The following GRAMD1B variants were observed in gnomAD, a reference collection of about 807,000 sequenced individuals.
GRAMD1B encodes the protein GRAM domain containing 1B.
In GRAMD1B, 37 loss-of-function variants were observed where a neutral mutation model predicts 99.7. That is an observed-to-expected ratio of 0.37 (90% confidence interval 0.29 to 0.49). The LOEUF (loss-of-function observed/expected upper bound fraction) is 0.49, where lower values mean the gene tolerates loss of function less well. Ranked by LOEUF, GRAMD1B falls within the 20% of genes least tolerant of loss-of-function variation. The probability of loss-of-function intolerance (pLI) is 0.98; values close to 1 mark genes in which losing one functional copy is unlikely to be tolerated. For synonymous variants in GRAMD1B, 427 were observed against 387.6 expected (o/e 1.10, Z -1.19); for missense variants, 888 against 1,009.2 (o/e 0.88, Z 1.63).
intron 1 of GRAMD1B, among the ~76,000 whole-genome samples, chr11:123,414,125 ACCTCCGCC>A (rs1162651258): frequency 1.3e-5 from 2 of 151,554 alleles, no homozygotes; most frequent in African/African-American, 4.9e-5. Flanking sequence ...GCTCACTGCA[ACCTCCGCC>A]TCCCAGGTTC....
At chr11:123,539,793 G>A (rs986735980) in intron 2 of GRAMD1B, among the ~76,000 whole-genome samples, 6 of 152,084 alleles carry the variant, frequency 3.9e-5, no homozygotes, top group East Asian at 1.9e-4. Flanking sequence ...GTCACATACC[G>A]TTTCTATCTC....
chr11:123,371,054 T>C (rs1182868696), intron 1 of GRAMD1B, among the ~76,000 whole-genome samples: 2 of 130,626 alleles, frequency 1.5e-5, no homozygotes, highest in African/African-American at 5.8e-5. Context: ...GGATTGCAGA[T>C]TGAGATCTTG....
At chr11:123,579,430 GT>G (rs1418367076) in intron 3 of GRAMD1B, among the ~76,000 whole-genome samples, 2 of 152,176 alleles carry the variant, frequency 1.3e-5, no homozygotes, top group Non-Finnish European at 2.9e-5. Flanking sequence ...CATCTTGGCT[GT>G]GAGGATTTTA....
chr11:123,477,614 T>C, intron 1 of GRAMD1B, among the ~76,000 whole-genome samples: 1 of 130,572 alleles, frequency 7.7e-6, no homozygotes, highest in East Asian at 2.7e-4. Context: ...TCTCCCTTCC[T>C]TTCCCTCTCT....
intron 2 of GRAMD1B, among the ~76,000 whole-genome samples, chr11:123,486,150 A>T (rs2075392284): frequency 6.6e-6 from 1 of 152,230 alleles, no homozygotes; most frequent in African/African-American, 2.4e-5. Flanking sequence ...AAGAGCCATT[A>T]AGTGGATGCT....
chr11:123,613,906 G>C (rs1016304586), intron 16 of GRAMD1B, among the ~76,000 whole-genome samples: 3 of 152,166 alleles, frequency 2.0e-5, no homozygotes, highest in Non-Finnish European at 2.9e-5. Context: ...ATGCTTTCGT[G>C]TTGCCCTAGT....
At chr11:123,506,708 G>A (rs1227092698) in intron 2 of GRAMD1B, among the ~76,000 whole-genome samples, 2 of 152,248 alleles carry the variant, frequency 1.3e-5, no homozygotes, top group African/African-American at 2.4e-5. Context: ...CAGAGGTAGG[G>A]ATTCAATGGG....
intron 2 of GRAMD1B, among the ~76,000 whole-genome samples, chr11:123,513,570 TTCCTTCCTTTCC>T (rs1428166866): frequency 3.1e-5 from 3 of 95,880 alleles, no homozygotes; most frequent in East Asian, 6.3e-4. Context: ...CCTTCCTTCC[TTCCTTCCTTTCC>T]TTCCTTCCTT....
At chr11:123,550,609 C>T (rs1262041596) in intron 2 of GRAMD1B, among the ~76,000 whole-genome samples, 2 of 152,182 alleles carry the variant, frequency 1.3e-5, no homozygotes, top group African/African-American at 4.8e-5. Context: ...AAGCCCAGGG[C>T]CAGTGGCAGG....
chr11:123,601,795 C>G (rs1264762488), intron 8 of GRAMD1B, among the ~76,000 whole-genome samples: 1 of 152,208 alleles, frequency 6.6e-6, no homozygotes, highest in Non-Finnish European at 1.5e-5. Flanking sequence ...CAGTTCACAG[C>G]TGCTGTCATT....
At chr11:123,391,551 G>A (rs1355157655) in intron 1 of GRAMD1B, among the ~76,000 whole-genome samples, 6 of 152,120 alleles carry the variant, frequency 3.9e-5, no homozygotes, top group Admixed American at 3.3e-4. Flanking sequence ...CCGCCTCCTG[G>A]GTTCAAGCAA....
chr11:123,480,064 T>A (rs915899425), intron 1 of GRAMD1B, among the ~76,000 whole-genome samples: 4 of 152,192 alleles, frequency 2.6e-5, no homozygotes, highest in African/African-American at 7.2e-5. Context: ...GTTAGTGTCA[T>A]GAAGTGTCTG....
intron 1 of GRAMD1B, among the ~76,000 whole-genome samples, chr11:123,446,753 T>C (rs917817524): frequency 1.2e-4 from 18 of 152,202 alleles, no homozygotes; most frequent in African/African-American, 4.3e-4. Flanking sequence ...AACCTGGCAC[T>C]GTTGCTGTGT....
intron 2 of GRAMD1B, chr11:123,491,803 C>T (rs1938585664): frequency 2.5e-6 from 1 of 398,874 alleles, no homozygotes. Context: ...AGCCCCCAGC[C>T]CTTGAGGTCC....
intron 1 of GRAMD1B, among the ~76,000 whole-genome samples, chr11:123,392,770 T>C (rs1242035443): frequency 1.3e-5 from 2 of 152,194 alleles, no homozygotes; most frequent in African/African-American, 2.4e-5. Flanking sequence ...TACTGACTAA[T>C]AGTTAATATT....
chr11:123,377,044 C>A (rs1159865409), intron 1 of GRAMD1B, among the ~76,000 whole-genome samples: 1 of 152,156 alleles, frequency 6.6e-6, no homozygotes, highest in East Asian at 1.9e-4. Context: ...TTTTCGCCTG[C>A]CTGAATAATC....
chr11:123,427,487 G>A (rs1326200685), upstream of GRAMD1B, among the ~76,000 whole-genome samples: 1 of 152,190 alleles, frequency 6.6e-6, no homozygotes, highest in Non-Finnish European at 1.5e-5. Context: ...ATTAAAGGAA[G>A]GAGAAACTTG....
chr11:123,550,837 G>A (rs948060673), intron 2 of GRAMD1B, among the ~76,000 whole-genome samples: 11 of 152,116 alleles, frequency 7.2e-5, no homozygotes, highest in South Asian at 2.1e-4. Context: ...CCTAGGGGCC[G>A]GGACTCTCTA....
chr11:123,593,522 C>A (rs893155859), intron 4 of GRAMD1B, among the ~76,000 whole-genome samples: 2 of 152,080 alleles, frequency 1.3e-5, no homozygotes, highest in South Asian at 2.1e-4. Flanking sequence ...GGATGCCTCT[C>A]GTGTGCCCGT....
Sources: gnomAD v4.1 joint callset for allele counts (sites outside exome capture counted in the v4.1 genomes callset) on GRCh38, gnomAD v4.1.1 for gene constraint, MANE v1.5 for transcripts, NCBI Gene and HGNC (gene_info 2026-07-23, HGNC 2026-07-21) for gene names.